PRPF38A: variants seen among roughly 807,000 people sequenced by gnomAD.
The protein encoded by PRPF38A is pre-mRNA processing factor 38A, also known as pre-mRNA-splicing factor 38A.
In PRPF38A, 11 loss-of-function variants were observed where a neutral mutation model predicts 46.8. That is an observed-to-expected ratio of 0.24 (90% CI 0.15 to 0.39). PRPF38A has a LOEUF of 0.39. Among genes scored for constraint, PRPF38A ranks in the 10% least tolerant of loss-of-function variants. The probability of loss-of-function intolerance (pLI) is 1.00; values close to 1 mark genes in which losing one functional copy is unlikely to be tolerated. For synonymous variants in PRPF38A, 124 were observed against 136.2 expected (o/e 0.91, Z 0.62); for missense variants, 261 against 407.5 (o/e 0.64, Z 3.10).
At chr1:52,410,994 A>T (rs1648134149) in intron 3 of PRPF38A, 121 bp from the exon 4 acceptor site, 3 of 650,712 alleles carry the variant, frequency 4.6e-6, no homozygotes, top group Non-Finnish European at 8.0e-6. Flanking sequence ...TCATCCCTTA[A>T]TCTCTTCTAA....
rs2147955414 is a variant in PRPF38A, at chr1:52,408,641, A to G, written c.363A>G (p.Glu121=). The change falls in exon 3 of 10, where the codon GAA becomes GAG. Residue 121 remains glutamate (E), a synonymous_variant. Coordinates refer to ENST00000257181, the MANE Select transcript of PRPF38A (RefSeq NM_032864.4). ...CAATTGATTGCTACAAGTACTTGGA[A>G]CCTTTGTACAATGACTATCGAAAAA... The part of the protein sequence containing the change: ...GTAIDCYKYL[E]PLYNDYRKIK... 6.2e-7 allele frequency: 1 copy of G among 1,614,218 alleles called. No homozygotes were observed. The highest frequency in any genetic ancestry group is 8.5e-7 in the Non-Finnish European group (1 of 1,180,024).
rs150283021 is a variant in PRPF38A at position 52,413,879 on chromosome 1, T to C, written c.610T>C (p.Leu204=). 39 of 1,607,346 alleles carry C rather than the reference T, an allele frequency of 2.4e-5. 1 individual carries two copies. In the African/African-American group the frequency reaches 4.5e-4, roughly 19 times the overall value. The stretch of plus-strand genomic sequence containing the variant: ...AATGACCCAATCATCTTGTTTCCAG[T>C]TGGAAAGAGTGCCATCACCTGATCA... ...SEEEEEEDEK[L]ERVPSPDHRR... is the part of the protein sequence containing the mutation. The change falls in exon 6 of 10, where the codon TTG becomes CTG. Residue 204 remains leucine (L), a splice_region_variant and synonymous_variant. Coordinates refer to ENST00000257181, the MANE Select transcript of PRPF38A (RefSeq NM_032864.4).
In PRPF38A at chr1:52,419,411, T is replaced by TAACA. The variant is rs1315375511; in HGVS notation, c.*2723_*2726dup. On this transcript the variant is annotated 3_prime_UTR_variant, in exon 10 of 10. Coordinates refer to ENST00000257181, the MANE Select transcript of PRPF38A (RefSeq NM_032864.4). ...GGGTTTGGTGAGAGGGTTCCAATAT[T>TAACA]AACAACCCAACTTCAAGCTCATTCC... The TAACA allele has an allele frequency of 1.3e-5, 2 of 151,712 alleles. No homozygotes were observed. Among genetic ancestry groups the TAACA allele is most frequent in the African/African-American group, 4.8e-5 (2 of 41,394 alleles). 9.4% of individuals were successfully genotyped at this position (151,712 alleles called of 1,614,324 possible). A position where few individuals can be genotyped will look rare whatever the true frequency, so the allele number is the denominator to read the frequency against.
rs572996161 is a variant in PRPF38A, at chr1:52,404,626, G to A, written c.-124G>A. On this transcript the variant is annotated 5_prime_UTR_variant, in exon 1 of 10. Transcript: ENST00000257181. ...TACACTACGGTGTTTCCGGCTTCAA[G>A]ATGGTCGCCTAAGCTGTTTAGTGAA... The A allele has an allele frequency of 2.8e-6, 3 of 1,086,892 alleles. No homozygotes were observed. In the African/African-American group the frequency reaches 4.7e-5, roughly 17 times the overall value. The allele number at this position is 1,086,892 out of a possible 1,614,324, so 67.3% of individuals were successfully genotyped here.
chr1:52,406,451 AAATC>A (rs1251979034), intron 2 of PRPF38A, among the ~76,000 whole-genome samples: 1 of 152,226 alleles, frequency 6.6e-6, no homozygotes, highest in Non-Finnish European at 1.5e-5. Flanking sequence ...TCAGGGGTGA[AAATC>A]AAACAACAAA....
intron 3 of PRPF38A, 96 bp downstream of exon 3, chr1:52,408,786 C>A: frequency 7.1e-7 from 1 of 1,407,250 alleles, no homozygotes; most frequent in Non-Finnish European, 9.8e-7. Context: ...AGTGTGAATG[C>A]TCCTTTTCAT....
chr1:52,410,143 A>T (rs982438315), intron 3 of PRPF38A, among the ~76,000 whole-genome samples: 1 of 147,962 alleles, frequency 6.8e-6, no homozygotes, highest in Non-Finnish European at 1.5e-5. Flanking sequence ...AACATAATTT[A>T]TATATAACAT....
chr1:52,407,079 G>A (rs971678104), intron 2 of PRPF38A, among the ~76,000 whole-genome samples: 4 of 152,140 alleles, frequency 2.6e-5, no homozygotes, highest in African/African-American at 9.7e-5. Flanking sequence ...GTGCAGTGGC[G>A]CAGTCTCGGC....
At chr1:52,406,684 G>A (rs781089215) in intron 2 of PRPF38A, among the ~76,000 whole-genome samples, 11 of 152,196 alleles carry the variant, frequency 7.2e-5, no homozygotes, top group East Asian at 5.8e-4. Flanking sequence ...CCGTATTACC[G>A]ATTCTCGAGG....
chr1:52,411,063 C>A, intron 3 of PRPF38A, 52 bp from the exon 4 acceptor site: 1 of 1,328,348 alleles, frequency 7.5e-7, no homozygotes, highest in Non-Finnish European at 1.1e-6. Flanking sequence ...TACTTTTTGG[C>A]ATCTAAATCT....
chr1:52,416,782 A>G lies in PRPF38A; in HGVS notation c.*92A>G, dbSNP rs1384620184. On this transcript the variant is annotated 3_prime_UTR_variant, in exon 10 of 10. Transcript: ENST00000257181. ...TTAAGATCTCCCCCAGGCAGCTATAAGAATATTTTAGTTTTTTTCTTATCA... is the reference window on the plus strand; with the variant it reads ...TTAAGATCTCCCCCAGGCAGCTATAGGAATATTTTAGTTTTTTTCTTATCA... 14 of 970,818 alleles carry G rather than the reference A, an allele frequency of 1.4e-5. No individual in the cohort carries two copies. Among genetic ancestry groups the G allele is most frequent in the Non-Finnish European group, 2.1e-5 (13 of 612,112 alleles). 60.1% of individuals were successfully genotyped at this position (970,818 alleles called of 1,614,324 possible). A position where few individuals can be genotyped will look rare whatever the true frequency, so the allele number is the denominator to read the frequency against.
In PRPF38A at chr1:52,419,146, G is replaced by A. The variant is rs192987079; in HGVS notation, c.*2456G>A. The A allele has an allele frequency of 5.5e-3, 838 of 152,246 alleles. 4 individuals are homozygous for A. Among genetic ancestry groups the A allele is most frequent in the South Asian group, 0.02 (95 of 4,828 alleles). 9.4% of individuals were successfully genotyped at this position (152,246 alleles called of 1,614,324 possible). ...CGAGGCGGGCAGATCACCTGAGGTCGGGAGTTTGAGACCAGCCTGGCCAAC... is the reference window on the plus strand; with the variant it reads ...CGAGGCGGGCAGATCACCTGAGGTCAGGAGTTTGAGACCAGCCTGGCCAAC... On this transcript the variant is annotated 3_prime_UTR_variant, in exon 10 of 10. Transcript: ENST00000257181.
chr1:52,411,047 TTC>T, intron 3 of PRPF38A, 66 bp from the exon 4 acceptor site: 1 of 1,143,158 alleles, frequency 8.7e-7, no homozygotes, highest in Non-Finnish European at 1.3e-6. Context: ...GTCTTAACAC[TTC>T]TTTTACTTTT....
rs188122187 is a variant in PRPF38A, at chr1:52,416,532, T to C, written c.897-116T>C. On this transcript the variant is annotated intron_variant, in intron 9 of 9. Coordinates refer to ENST00000257181, the MANE Select transcript of PRPF38A (RefSeq NM_032864.4). ...CCATGTTGGCCAGGCTGGTCTCGAATTCCTGACCTCAGGTGATCTGCCTAC... is the reference window on the plus strand; with the variant it reads ...CCATGTTGGCCAGGCTGGTCTCGAACTCCTGACCTCAGGTGATCTGCCTAC... 2,360 of 700,600 alleles carry C rather than the reference T, an allele frequency of 3.4e-3. 40 individuals carry two copies. In the African/African-American group the frequency reaches 0.036, roughly 11 times the overall value. 43.4% of individuals were successfully genotyped at this position (700,600 alleles called of 1,614,324 possible).
intron 3 of PRPF38A, chr1:52,409,659 G>T (rs1225916448): frequency 1.3e-5 from 2 of 152,156 alleles, no homozygotes; most frequent in African/African-American, 4.8e-5. Flanking sequence ...TTCATTCATT[G>T]AATAAATACA....
intron 9 of PRPF38A, 142 bp from the exon 10 acceptor site, chr1:52,416,506 A>C: frequency 1.7e-6 from 1 of 581,824 alleles, no homozygotes; most frequent in Non-Finnish European, 3.1e-6. Flanking sequence ...ACAGGGTTTC[A>C]CCATGTTGGC....
rs1269109778 is a variant in PRPF38A, at chr1:52,405,623, A to C, written c.131-57A>C. 3.2e-6 allele frequency: 5 copies of C among 1,558,554 alleles called. No homozygotes were observed. In the African/African-American group the frequency reaches 6.8e-5, roughly 21 times the overall value. ...GAGAACCAAAGCTTGAACTAACTCC[A>C]CTCCAACTAGGAAGAGCTTAGCCCT... On this transcript the variant is annotated intron_variant, in intron 1 of 9. Transcript: ENST00000257181.
intron 6 of PRPF38A, 93 bp downstream of exon 6, chr1:52,414,084 A>C (rs910192580): frequency 1.8e-5 from 14 of 763,576 alleles, no homozygotes; most frequent in Non-Finnish European, 2.6e-5. Flanking sequence ...ACGTCTATGG[A>C]GAATGTTTGC....
intron 4 of PRPF38A, 42 bp downstream of exon 4, chr1:52,411,242 C>T: frequency 7.0e-7 from 1 of 1,429,528 alleles, no homozygotes; most frequent in South Asian, 1.1e-5. Flanking sequence ...CCTTCTCTTC[C>T]TAGACGGGCA....
Sources: allele counts gnomAD v4.1 joint callset (sites outside exome capture counted in the v4.1 genomes callset), GRCh38; gene constraint gnomAD v4.1.1; transcripts MANE v1.5; gene names NCBI Gene and HGNC (gene_info 2026-07-23, HGNC 2026-07-21).